The following CSMD1 variants were observed in gnomAD, a reference collection of about 807,000 sequenced individuals.
CSMD1 encodes the protein CUB and Sushi multiple domains 1.
A neutral mutation model predicts 417.5 loss-of-function variants in CSMD1; 213 were observed. The ratio of observed to expected loss-of-function variants is 0.51; its 90% CI spans 0.46 to 0.57. The LOEUF is 0.57. Ranked by LOEUF, CSMD1 falls within the 20% of genes least tolerant of loss-of-function variation. The pLI is 0.00. For missense variants in CSMD1, 6,923 were observed against 4,529.7 expected (o/e 1.53, Z -15.17); for synonymous variants, 2,862 against 1,736.8 (o/e 1.65, Z -16.11).
intron 4 of CSMD1, among the ~76,000 whole-genome samples, chr8:4,023,578 T>C (rs372983636): frequency 7.3e-6 from 1 of 136,942 alleles, no homozygotes; most frequent in African/African-American, 2.8e-5. Flanking sequence ...CTTACTGCTT[T>C]TCAACTTTTT....
At chr8:4,335,944 A>G (rs2128892980) in intron 3 of CSMD1, among the ~76,000 whole-genome samples, 1 of 152,250 alleles carries the variant, frequency 6.6e-6, no homozygotes, top group South Asian at 2.1e-4. Context: ...TTGGAGGATA[A>G]GCACAGGGAG....
intron 3 of CSMD1, among the ~76,000 whole-genome samples, chr8:4,294,497 A>T (rs1183607549): frequency 1.3e-5 from 2 of 152,140 alleles, no homozygotes; most frequent in East Asian, 3.9e-4. Flanking sequence ...ATTTAACCTC[A>T]GGATAATGCC....
At position 4,740,664 on chromosome 8, in the gene CSMD1, T is replaced by G. The variant is rs544705819; in HGVS notation, c.86-103106A>C. On this transcript the variant is annotated intron_variant, in intron 1 of 69. Coordinates refer to ENST00000635120, the MANE Select transcript of CSMD1 (RefSeq NM_033225.6). ...TATGTGCAGCTCTCTGGCTTTTCAC[T>G]AAGAGGATGAGAATCTACTCAAGGA... 2.0e-5 allele frequency among the ~76,000 whole-genome samples: 3 copies of G among 152,306 alleles called. No individual in the cohort carries two copies. The East Asian group carries it at 5.8e-4, about 29-fold the overall frequency.
intron 1 of CSMD1, among the ~76,000 whole-genome samples, chr8:4,800,999 T>C (rs1316319152): frequency 6.6e-6 from 1 of 152,222 alleles, no homozygotes; most frequent in Non-Finnish European, 1.5e-5. Context: ...TAAGCACAAC[T>C]GCTTGCCTGA....
intron 3 of CSMD1, among the ~76,000 whole-genome samples, chr8:4,103,300 G>C (rs988196844): frequency 3.3e-5 from 5 of 151,208 alleles, no homozygotes; most frequent in Non-Finnish European, 7.4e-5. Flanking sequence ...ACGTGTGTGT[G>C]CATATACACA....
chr8:3,984,752 T>TA (rs1491263476), intron 5 of CSMD1, among the ~76,000 whole-genome samples: 20 of 78,112 alleles, frequency 2.6e-4, no homozygotes, highest in Non-Finnish European at 4.2e-4. Flanking sequence ...TATATATATA[T>TA]TTGTATGTAT....
chr8:3,881,622 AC>A lies in CSMD1; in HGVS notation c.818+116280del, dbSNP rs1238148680. On this transcript the variant is annotated intron_variant, in intron 5 of 69. Transcript: ENST00000635120. Reference sequence around the variant, plus strand: ...AGACTCCATCTCAAAAAAAAAAAAAACAAAAACAAAAACAAACAAACAAACA... The same window carrying A: ...AGACTCCATCTCAAAAAAAAAAAAAAAAAAACAAAAACAAACAAACAAACA... Among the ~76,000 whole-genome samples, 34 of 137,830 alleles carry A rather than the reference AC, an allele frequency of 2.5e-4. 2 individuals carry two copies. Among genetic ancestry groups the A allele is most frequent in the Non-Finnish European group, 3.8e-4 (25 of 65,248 alleles). 90.4% of individuals were successfully genotyped at this position (137,830 alleles called of 152,430 possible).
intron 46 of CSMD1, 58 bp downstream of exon 46, chr8:3,106,470 C>T (rs922111508): frequency 1.9e-5 from 20 of 1,051,308 alleles, no homozygotes; most frequent in African/African-American, 3.1e-5. Flanking sequence ...CCAATACAAA[C>T]AATACAATTT....
At chr8:4,224,338 A>G (rs141426628) in intron 3 of CSMD1, among the ~76,000 whole-genome samples, 55 of 152,306 alleles carry the variant, frequency 3.6e-4, no homozygotes, top group African/African-American at 1.3e-3. Flanking sequence ...ACATTTTGGC[A>G]GCCTTAGGTA....
chr8:4,343,784 T>C (rs1800622209), intron 3 of CSMD1, among the ~76,000 whole-genome samples: 1 of 152,152 alleles, frequency 6.6e-6, no homozygotes, highest in East Asian at 1.9e-4. Context: ...TCCTACACGT[T>C]CCGTATTAGA....
At chr8:4,173,292 T>C (rs1797866373) in intron 3 of CSMD1, among the ~76,000 whole-genome samples, 1 of 152,184 alleles carries the variant, frequency 6.6e-6, no homozygotes, top group Non-Finnish European at 1.5e-5. Context: ...TTTGTCTGAG[T>C]TCCAAATTGA....
intron 3 of CSMD1, among the ~76,000 whole-genome samples, chr8:4,207,515 A>G (rs1157925266): frequency 6.6e-6 from 1 of 152,162 alleles, no homozygotes; most frequent in African/African-American, 2.4e-5. Flanking sequence ...AATATTTCTT[A>G]AACTGAAGTT....
At chr8:3,548,987 A>G (rs1438444470) in intron 10 of CSMD1, among the ~76,000 whole-genome samples, 3 of 151,862 alleles carry the variant, frequency 2.0e-5, no homozygotes, top group African/African-American at 7.3e-5. Flanking sequence ...ACCCCTCCCA[A>G]TATACCTGGG....
chr8:3,153,231 GCA>G (rs533738763), intron 39 of CSMD1, among the ~76,000 whole-genome samples: 232 of 152,270 alleles, frequency 1.5e-3, no homozygotes, highest in African/African-American at 5.5e-3. Context: ...AAATGCCACG[GCA>G]ACGTCAGGAA....
At chr8:4,136,069 A>C (rs1313636246) in intron 3 of CSMD1, among the ~76,000 whole-genome samples, 1 of 152,222 alleles carries the variant, frequency 6.6e-6, no homozygotes, top group Non-Finnish European at 1.5e-5. Context: ...GGCAAGAGAA[A>C]AAAAATGAAC....
At chr8:4,537,438 T>G (rs956064103) in intron 2 of CSMD1, among the ~76,000 whole-genome samples, 3 of 152,208 alleles carry the variant, frequency 2.0e-5, no homozygotes, top group Admixed American at 6.5e-5. Context: ...TTATTGTTAT[T>G]GTTATTAAAA....
chr8:2,992,191 G>A (rs1481771419), intron 54 of CSMD1, among the ~76,000 whole-genome samples: 2 of 89,550 alleles, frequency 2.2e-5, no homozygotes, highest in South Asian at 2.4e-4. Flanking sequence ...ACACACACAT[G>A]CACACATACA....
intron 57 of CSMD1, among the ~76,000 whole-genome samples, chr8:2,969,780 C>A (rs2128931022): frequency 6.6e-6 from 1 of 152,144 alleles, no homozygotes; most frequent in East Asian, 1.9e-4. Context: ...CCTACAGATT[C>A]TCCAAAATGT....
At chr8:4,490,552 A>C (rs1801648237) in intron 2 of CSMD1, among the ~76,000 whole-genome samples, 1 of 152,234 alleles carries the variant, frequency 6.6e-6, no homozygotes, top group African/African-American at 2.4e-5. Context: ...ATAGATGCTA[A>C]GGATATGAGA....
Sources: gnomAD v4.1 joint callset for allele counts (sites outside exome capture counted in the v4.1 genomes callset) on GRCh38, gnomAD v4.1.1 for gene constraint, MANE v1.5 for transcripts, NCBI Gene and HGNC (gene_info 2026-07-23, HGNC 2026-07-21) for gene names.